Variants in PCDHA13 observed in about 807,000 individuals in gnomAD.
The protein encoded by PCDHA13 is protocadherin alpha-13.
Under a neutral mutation model 64.8 loss-of-function variants are expected in PCDHA13, and 54 were observed. The observed-to-expected ratio is 0.83, with a 90% CI of 0.67 to 1.04. The LOEUF (loss-of-function observed/expected upper bound fraction) is 1.04. PCDHA13 is among the 50% of genes least tolerant of loss of function. The pLI is 0.00. For synonymous variants in PCDHA13, 587 were observed against 564.4 expected, an observed-to-expected ratio of 1.04 and a Z score of -0.57; for missense variants, 1,248 against 1,254.3, an observed-to-expected ratio of 0.99 and a Z score of 0.08.
At chr5:140,931,881 T>C (rs2087825880) in intron 1 of PCDHA13, among the ~76,000 whole-genome samples, 1 of 152,002 alleles carries the variant, frequency 6.6e-6, no homozygotes, top group African/African-American at 2.4e-5. Flanking sequence ...TTTATTGCTT[T>C]CATTTTATTT....
Position 141,010,319 on chromosome 5 carries a change from C to G in PCDHA13, c.*382C>G. The G allele has an allele frequency of 6.5e-7, 1 of 1,545,436 alleles. No individual in the cohort carries two copies. Among genetic ancestry groups the G allele is most frequent in the South Asian group, 1.2e-5 (1 of 83,248 alleles). On this transcript the variant is annotated 3_prime_UTR_variant, in exon 4 of 4. Coordinates refer to ENST00000289272, the MANE Select transcript of PCDHA13 (RefSeq NM_018904.3). ...CAGGCTGAAAAGTTTTGAGATTGAG[C>G]AGCTTGGGAGTTTGTGGCCACTGGG...
At chr5:140,999,837 A>T (rs2097878885) in intron 3 of PCDHA13, among the ~76,000 whole-genome samples, 1 of 152,206 alleles carries the variant, frequency 6.6e-6, no homozygotes, top group Non-Finnish European at 1.5e-5. Context: ...AAATATGCCA[A>T]GTGTATTTAT....
intron 1 of PCDHA13, among the ~76,000 whole-genome samples, chr5:140,912,858 A>G (rs1554195572): frequency 6.6e-6 from 1 of 152,192 alleles, no homozygotes; most frequent in East Asian, 1.9e-4. Context: ...ATCAATTGAA[A>G]TGATATATGG....
chr5:140,882,566 G>A lies in PCDHA13; in HGVS notation c.298G>A (p.Ala100Thr). 6.2e-7 allele frequency: 1 copy of A among 1,614,252 alleles called. No individual in the cohort carries two copies. The highest frequency in any genetic ancestry group is 8.5e-7 in the Non-Finnish European group (1 of 1,180,050). Residue 100 changes from alanine (A) to threonine (T), a missense_variant, in exon 1 of 4, where the codon GCG (alanine) becomes ACG (threonine). Physicochemically the swap from Ala to Thr is moderately conservative, Grantham distance 58 (BLOSUM62 0). Transcript: ENST00000289272. ...CCGCGAGGAGCTGTGTGGGCGGAGC[G>A]CGGAGTGCAGCATCCACCTGGAGGT... is the stretch of plus-strand genomic sequence containing the variant. ...IDREELCGRS[A>T]ECSIHLEVIV...
At chr5:140,903,845 C>T (rs2070659171) in intron 1 of PCDHA13, among the ~76,000 whole-genome samples, 1 of 152,006 alleles carries the variant, frequency 6.6e-6, no homozygotes, top group Admixed American at 6.6e-5. Context: ...TTTCATTTAT[C>T]TTAACAAATA....
chr5:140,896,467 G>A (rs191220082), intron 1 of PCDHA13, among the ~76,000 whole-genome samples: 1,607 of 151,540 alleles, frequency 0.011, 16 homozygotes, highest in African/African-American at 0.028. Context: ...GGTTCAAGCG[G>A]TTCTCCTGCC....
At chr5:140,985,377 A>G (rs782189204) in intron 3 of PCDHA13, among the ~76,000 whole-genome samples, 10 of 152,188 alleles carry the variant, frequency 6.6e-5, no homozygotes, top group Non-Finnish European at 5.9e-5. Context: ...CTGGGTCTAT[A>G]TAATCCAGTC....
At chr5:140,898,150 G>A (rs373714901) in intron 1 of PCDHA13, among the ~76,000 whole-genome samples, 6 of 152,198 alleles carry the variant, frequency 3.9e-5, no homozygotes, top group African/African-American at 9.6e-5. Flanking sequence ...GCCTGTTCAC[G>A]CTGATGGTGG....
At chr5:140,937,839 A>G (rs2091791639) in intron 1 of PCDHA13, among the ~76,000 whole-genome samples, 1 of 150,456 alleles carries the variant, frequency 6.6e-6, no homozygotes, top group Non-Finnish European at 1.5e-5. Flanking sequence ...ATGAACCTGG[A>G]AGGCGGAACT....
At chr5:140,991,356 T>C (rs574243681) in intron 3 of PCDHA13, among the ~76,000 whole-genome samples, 2 of 152,366 alleles carry the variant, frequency 1.3e-5, no homozygotes, top group Non-Finnish European at 2.9e-5. Flanking sequence ...AAAAGACTAT[T>C]TACTGTCTGA....
chr5:140,887,361 G>T (rs2061424710), intron 1 of PCDHA13, among the ~76,000 whole-genome samples: 1 of 152,144 alleles, frequency 6.6e-6, no homozygotes, highest in South Asian at 2.1e-4. Flanking sequence ...CTCCCAAAGT[G>T]CTGGGATTAC....
chr5:140,956,733 C>A (rs1412191742), intron 1 of PCDHA13, among the ~76,000 whole-genome samples: 1 of 152,172 alleles, frequency 6.6e-6, no homozygotes, highest in Non-Finnish European at 1.5e-5. Flanking sequence ...ACCAGCTCCT[C>A]TTTGTACCTC....
chr5:140,943,729 A>G (rs1215938127), intron 1 of PCDHA13, among the ~76,000 whole-genome samples: 1 of 152,374 alleles, frequency 6.6e-6, no homozygotes, highest in South Asian at 2.1e-4. Context: ...TGAGAGAATG[A>G]AAGTCCACAG....
chr5:140,951,863 C>T (rs991949987), intron 1 of PCDHA13, among the ~76,000 whole-genome samples: 10 of 152,096 alleles, frequency 6.6e-5, no homozygotes, highest in Non-Finnish European at 7.3e-5. Flanking sequence ...TCCAAAGTCT[C>T]ATCTGAGACA....
intron 1 of PCDHA13, chr5:140,927,707 T>G (rs1224984801): frequency 6.2e-7 from 1 of 1,614,080 alleles, no homozygotes; most frequent in African/African-American, 1.3e-5. Flanking sequence ...CAGTACTCCC[T>G]AAGCAACAGC....
At chr5:140,956,665 G>A (rs1336658976) in intron 1 of PCDHA13, among the ~76,000 whole-genome samples, 3 of 152,004 alleles carry the variant, frequency 2.0e-5, no homozygotes, top group African/African-American at 7.2e-5. Context: ...TGGCCTTAAA[G>A]GAGTTAGGGA....
At chr5:140,948,271 T>C (rs1295867135) in intron 1 of PCDHA13, among the ~76,000 whole-genome samples, 4 of 151,646 alleles carry the variant, frequency 2.6e-5, no homozygotes, top group Non-Finnish European at 5.9e-5. Flanking sequence ...TCATGTAGAA[T>C]ATCTGTAAAT....
chr5:140,884,241 C>G lies in PCDHA13; in HGVS notation c.1973C>G (p.Ala658Gly), dbSNP rs782355331. 3.7e-6 allele frequency: 6 copies of G among 1,613,408 alleles called. No homozygotes were observed. The South Asian group carries it at 4.4e-5, about 12-fold the overall frequency. ...CTGGTGAAGGACCACGGTGAGCCCG[C>G]GCTGACGGCCACGGCAACGGTGCTG... The part of the protein sequence containing the change: ...LVLVKDHGEP[A>G]LTATATVLLS... The change falls in exon 1 of 4, where the codon GCG becomes GGG. Residue 658 changes from alanine to glycine, a missense_variant. Coordinates refer to ENST00000289272, the MANE Select transcript of PCDHA13 (RefSeq NM_018904.3).
intron 1 of PCDHA13, among the ~76,000 whole-genome samples, chr5:140,909,749 C>T (rs141984152): frequency 6.6e-6 from 1 of 152,114 alleles, no homozygotes; most frequent in African/African-American, 2.4e-5. Context: ...GGGGAAATGA[C>T]CACAGGATGA....
Sources: allele counts gnomAD v4.1 joint callset (sites outside exome capture counted in the v4.1 genomes callset), GRCh38; gene constraint gnomAD v4.1.1; transcripts MANE v1.5; gene names NCBI Gene and HGNC (gene_info 2026-07-23, HGNC 2026-07-21).